Variants in COL6A5 observed in about 807,000 individuals in gnomAD.
COL6A5 encodes the protein collagen type VI alpha 5 chain.
Under a neutral mutation model 65.6 loss-of-function variants are expected in COL6A5, and 48 were observed. That is an observed-to-expected ratio of 0.73 (90% CI 0.58 to 0.93). COL6A5 has a LOEUF of 0.93. Ranked by LOEUF, COL6A5 falls within the 40% of genes least tolerant of loss-of-function variation. COL6A5 has a pLI of 0.00. For missense variants in COL6A5, 914 were observed against 928.3 expected (o/e 0.98, Z 0.20); for synonymous variants, 291 against 322.8 (o/e 0.90, Z 1.05).
At chr3:130,459,723 A>G (rs1248895460) in intron 5 of COL6A5, among the ~76,000 whole-genome samples, 3 of 148,392 alleles carry the variant, frequency 2.0e-5, no homozygotes, top group Non-Finnish European at 4.4e-5. Context: ...AGATTCTACT[A>G]TATTTTTTTT....
exon 4 of COL6A5, chr3:130,379,783 G>C: frequency 6.4e-7 from 1 of 1,551,392 alleles, no homozygotes; most frequent in African/African-American, 1.4e-5. Flanking sequence ...TGCAGTTCTG[G>C]TCACCCACAG....
chr3:130,428,364 C>T (rs938494116), upstream of COL6A5, among the ~76,000 whole-genome samples: 10 of 151,852 alleles, frequency 6.6e-5, no homozygotes, highest in African/African-American at 2.4e-4. Context: ...CTGTGACATA[C>T]AGGGATGAGG....
intron 1 of COL6A5, among the ~76,000 whole-genome samples, chr3:130,362,971 A>G (rs991288534): frequency 2.6e-5 from 4 of 152,216 alleles, no homozygotes; most frequent in Non-Finnish European, 4.4e-5. Flanking sequence ...TTAATTTCTG[A>G]CAATCTCTTT....
intron 6 of COL6A5, 128 bp downstream of exon 38, chr3:130,469,609 C>G (rs1709900867): frequency 2.6e-6 from 2 of 771,748 alleles, no homozygotes; most frequent in African/African-American, 1.8e-5. Context: ...GAGTAGGAGG[C>G]AGTAAAAAAT....
exon 3 of COL6A5, chr3:130,440,664 A>G (rs1709158301): frequency 1.2e-6 from 2 of 1,613,420 alleles, no homozygotes; most frequent in African/African-American, 1.3e-5. Context: ...TGTCAAGGCT[A>G]CGTCATATTT....
At chr3:130,389,281 G>A in intron 6 of COL6A5, 147 bp downstream of exon 6, 1 of 475,390 alleles carries the variant, frequency 2.1e-6, no homozygotes, top group East Asian at 3.3e-5. Context: ...AAATGCCTGT[G>A]ACCTCCAGGA....
intron 1 of COL6A5, among the ~76,000 whole-genome samples, chr3:130,371,210 G>T (rs1189493367): frequency 6.6e-6 from 1 of 151,878 alleles, no homozygotes; most frequent in Non-Finnish European, 1.5e-5. Flanking sequence ...CATAGTAATG[G>T]ATTGTAAAAC....
chr3:130,451,633 G>A (rs78380636), intron 4 of COL6A5, among the ~76,000 whole-genome samples: 1,785 of 151,910 alleles, frequency 0.012, 38 homozygotes, highest in African/African-American at 0.039. Context: ...GGCTGTGTGA[G>A]TCGGGGCTGC....
At chr3:130,402,858 A>C (rs1291422813) in intron 12 of COL6A5, among the ~76,000 whole-genome samples, 1 of 152,230 alleles carries the variant, frequency 6.6e-6, no homozygotes, top group Non-Finnish European at 1.5e-5. Flanking sequence ...ATCACAATAC[A>C]AATGAAGTTT....
rs182565777 is a variant in COL6A5 at position 130,459,626 on chromosome 3, A to G, written c.1544+3960A>G. Among the ~76,000 whole-genome samples, 852 of 152,182 alleles carry G rather than the reference A, an allele frequency of 5.6e-3. 2 individuals are homozygous for G. Among genetic ancestry groups the G allele is most frequent in the South Asian group, 0.022 (107 of 4,814 alleles). On this transcript the variant is annotated intron_variant, in intron 5 of 7. Coordinates refer to ENST00000512836, the Ensembl canonical transcript of COL6A5. Reference sequence around the variant, plus strand: ...AGGGAAATGTTTTAGAAGAAACCTCATGCCCCCAAGTTTATGGAACTGGCA... The same window carrying G: ...AGGGAAATGTTTTAGAAGAAACCTCGTGCCCCCAAGTTTATGGAACTGGCA...
exon 3 of COL6A5, chr3:130,440,621 G>C: frequency 2.5e-6 from 4 of 1,613,352 alleles, no homozygotes; most frequent in Non-Finnish European, 3.4e-6. Context: ...TGAGAGAAAA[G>C]AATTTGTAAA....
chr3:130,353,897 T>C (rs1934815805), intron 1 of COL6A5, among the ~76,000 whole-genome samples: 1 of 151,936 alleles, frequency 6.6e-6, no homozygotes, highest in Admixed American at 6.6e-5. Context: ...TGAAAAAGAT[T>C]AAAATGTGAA....
chr3:130,391,657 A>C, exon 7 of COL6A5: 1 of 1,551,694 alleles, frequency 6.4e-7, no homozygotes, highest in Non-Finnish European at 8.7e-7. Context: ...AGGGTATGGC[A>C]GGGAATAAAA....
chr3:130,388,419 A>G (rs529148705), intron 5 of COL6A5, among the ~76,000 whole-genome samples, 161 bp from the exon 6 acceptor site: 2 of 152,298 alleles, frequency 1.3e-5, no homozygotes, highest in South Asian at 4.1e-4. Context: ...CTAGTCAACC[A>G]GCTTCTACTA....
intron 17 of COL6A5, among the ~76,000 whole-genome samples, chr3:130,408,174 A>G (rs1195997340): frequency 1.3e-5 from 2 of 151,314 alleles, no homozygotes; most frequent in African/African-American, 4.9e-5. Context: ...GAACAGAGTC[A>G]TATTTCTCTT....
At chr3:130,431,697 G>A in exon 1 of COL6A5, 1 of 1,551,592 alleles carries the variant, frequency 6.4e-7, no homozygotes, top group Non-Finnish European at 8.7e-7. Context: ...AGCTCCTCCA[G>A]CAGCTTTCCC....
intron 4 of COL6A5, 44 bp downstream of exon 36, chr3:130,443,610 C>A: frequency 1.6e-6 from 2 of 1,244,076 alleles, no homozygotes; most frequent in Non-Finnish European, 2.4e-6. Flanking sequence ...TGCTAATTGG[C>A]TGATGGGAGT....
At chr3:130,391,082 G>A in intron 6 of COL6A5, 97 bp from the exon 7 acceptor site, 1 of 804,228 alleles carries the variant, frequency 1.2e-6, no homozygotes, top group South Asian at 1.8e-5. Flanking sequence ...CTGACACATA[G>A]TAGGCTCATG....
exon 22 of COL6A5, chr3:130,414,084 C>T: frequency 6.4e-7 from 1 of 1,550,702 alleles, no homozygotes; most frequent in Non-Finnish European, 8.7e-7. Context: ...ACCAGGAAAT[C>T]CTGGACCTAC....
Sources: allele counts gnomAD v4.1 joint callset (sites outside exome capture counted in the v4.1 genomes callset), GRCh38; gene constraint gnomAD v4.1.1; transcripts MANE v1.5; gene names NCBI Gene and HGNC (gene_info 2026-07-23, HGNC 2026-07-21).